Variants in C5orf24 observed in about 807,000 individuals in gnomAD.
C5orf24 encodes the protein UPF0461 protein C5orf24.
C5orf24 carries 4 observed loss-of-function variants against 9.8 expected under a neutral mutation model. The observed-to-expected ratio is 0.41, with a 90% CI of 0.20 to 0.93. C5orf24 has a LOEUF of 0.93. Among genes scored for constraint, C5orf24 ranks in the 40% least tolerant of loss-of-function variants. C5orf24 has a pLI of 0.33. For missense variants in C5orf24, 170 were observed against 236.9 expected (o/e 0.72, Z 1.85); for synonymous variants, 73 against 81.3 (o/e 0.90, Z 0.55).
the C5orf24 span, among the ~76,000 whole-genome samples, chr5:134,839,607 A>G: frequency 1.3e-5 from 2 of 152,052 alleles, no homozygotes; most frequent in Non-Finnish European, 1.5e-5. Flanking sequence ...TTTATTATTC[A>G]TACCCTGCAG....
At position 134,854,953 on chromosome 5, in the gene C5orf24, C is replaced by T. The variant is rs1338311353; in HGVS notation, c.53C>T (p.Pro18Leu). The T allele has an allele frequency of 6.2e-7, 1 of 1,614,096 alleles. No individual in the cohort carries two copies. The change falls in exon 2 of 2, where the codon CCT becomes CTT. Residue 18 changes from proline (P) to leucine (L), a missense_variant. Physicochemically the swap from Pro to Leu is moderately conservative, Grantham distance 98 (BLOSUM62 -3). Coordinates refer to ENST00000394976, the MANE Select transcript of C5orf24 (RefSeq NM_001135586.1). The part of the protein sequence containing the change: ...SNPAFCGPGK[P>L]SCLNEDAMRA... ...CCAGCTTTCTGTGGGCCTGGCAAGC[C>T]TTCCTGCCTCAATGAAGATGCCATG... is the stretch of plus-strand genomic sequence containing the variant.
rs2150176986 is a variant in C5orf24, at chr5:134,856,017, T to C, written c.*550T>C. On this transcript the variant is annotated 3_prime_UTR_variant, in exon 2 of 2. Transcript: ENST00000394976. ...TGTTAAAAAACTTATTTTTAATGTT[T>C]TAGGTTTAAGCAGCTTGTAATTTAT... 3 of 1,003,016 alleles carry C rather than the reference T, an allele frequency of 3.0e-6. No homozygotes were observed. Among genetic ancestry groups the C allele is most frequent in the Non-Finnish European group, 3.6e-6 (3 of 832,140 alleles). The allele number at this position is 1,003,016 out of a possible 1,614,324, so 62.1% of individuals were successfully genotyped here. A position where few individuals can be genotyped will look rare whatever the true frequency, so the allele number is the denominator to read the frequency against.
the C5orf24 span, among the ~76,000 whole-genome samples, chr5:134,839,568 C>G: frequency 6.6e-6 from 1 of 152,000 alleles, no homozygotes; most frequent in Admixed American, 6.6e-5. Context: ...TTATATCAAG[C>G]AGCATTATTA....
rs1755982513 is a variant in C5orf24, at chr5:134,846,052, C to G, written c.-164C>G. 1 of 152,362 alleles carries G rather than the reference C, an allele frequency of 6.6e-6. No individual in the cohort carries two copies. Among genetic ancestry groups the G allele is most frequent in the African/African-American group, 2.4e-5 (1 of 41,462 alleles). The allele number at this position is 152,362 out of a possible 1,614,324, so 9.4% of individuals were successfully genotyped here. A position where few individuals can be genotyped will look rare whatever the true frequency, so the allele number is the denominator to read the frequency against. On this transcript the variant is annotated 5_prime_UTR_variant, in exon 1 of 2. Transcript: ENST00000394976. ...GGCCGCGGCGGGTGCTGGGAGCCAG[C>G]GCCTGCCTCGCCGCCGCCCTCGCTG...
rs762710710 is a variant in C5orf24, at chr5:134,850,937, T to TATATATATACACAC, written c.-3-3960_-3-3959insTATATATACACACA. Among the ~76,000 whole-genome samples, 21 of 147,052 alleles carry TATATATATACACAC rather than the reference T, an allele frequency of 1.4e-4. No homozygotes were observed. The East Asian group carries it at 2.2e-3, about 15-fold the overall frequency. Reference sequence around the variant, plus strand: ...GAATGTTCATATATATATATATATATACACACACACACACACACTACACAC... The same window carrying TATATATATACACAC: ...GAATGTTCATATATATATATATATATATATATATACACACACACACACACACACACACTACACAC... On this transcript the variant is annotated intron_variant, in intron 1 of 1. Transcript: ENST00000394976.
chr5:134,839,919 C>T, the C5orf24 span, among the ~76,000 whole-genome samples: 1 of 152,104 alleles, frequency 6.6e-6, no homozygotes, highest in Non-Finnish European at 1.5e-5. Flanking sequence ...TGGTCTCAAA[C>T]TCCTGACCTC....
the C5orf24 span, among the ~76,000 whole-genome samples, chr5:134,839,434 C>T: frequency 7.9e-5 from 12 of 152,224 alleles, no homozygotes; most frequent in African/African-American, 2.6e-4. Flanking sequence ...AGTGGCAGAC[C>T]TGGCATTTAA....
At chr5:134,836,794 G>A in the C5orf24 span, among the ~76,000 whole-genome samples, 1 of 151,580 alleles carries the variant, frequency 6.6e-6, no homozygotes, top group Non-Finnish European at 1.5e-5. Context: ...CGCCCACCTC[G>A]GCCTCCCAAA....
At chr5:134,843,086 C>A (rs558640780), upstream of C5orf24, among the ~76,000 whole-genome samples, 1 of 151,940 alleles carries the variant, frequency 6.6e-6, no homozygotes, top group East Asian at 1.9e-4. Flanking sequence ...AAGTGATTCT[C>A]GTGCCTTAGC....
At chr5:134,846,680 A>G (rs568621953) in intron 1 of C5orf24, 2 of 152,346 alleles carry the variant, frequency 1.3e-5, no homozygotes, top group African/African-American at 2.4e-5. Flanking sequence ...CAGGTAATAC[A>G]TTCTAAACGC....
In C5orf24 at chr5:134,855,073, C is replaced by A. The variant is rs1488193130; in HGVS notation, c.173C>A (p.Pro58Gln). ...CCAATGGTTTGTCAGAGGCAAGACC[C>A]ATTAAATGAAACACACTTGCAGACT... ...HKPMVCQRQD[P>Q]LNETHLQTTS... The change falls in exon 2 of 2, where the codon CCA (proline) becomes CAA (glutamine). Residue 58 changes from proline (P) to glutamine (Q), a missense_variant. Physicochemically the swap from Pro to Gln is moderately conservative, Grantham distance 76. Around this residue, in one of 3 missense-constraint regions of C5orf24, gnomAD observed 93 missense variants for 104.5 expected, o/e 0.89. Coordinates refer to ENST00000394976, the MANE Select transcript of C5orf24 (RefSeq NM_001135586.1). 1.2e-6 allele frequency: 2 copies of A among 1,614,040 alleles called. No individual in the cohort carries two copies.
At chr5:134,844,110 A>G (rs541729714), upstream of C5orf24, among the ~76,000 whole-genome samples, 51 of 152,212 alleles carry the variant, frequency 3.4e-4, no homozygotes, top group Admixed American at 2.8e-3. Context: ...AAATGTTTTT[A>G]TGTACAAATG....
the C5orf24 span, among the ~76,000 whole-genome samples, chr5:134,834,514 T>C: frequency 6.6e-6 from 1 of 152,202 alleles, no homozygotes; most frequent in Non-Finnish European, 1.5e-5. Flanking sequence ...GCCCTCAGCC[T>C]GTGTCTGTGG....
intron 1 of C5orf24, among the ~76,000 whole-genome samples, chr5:134,853,243 C>T (rs1453135267): frequency 3.3e-4 from 50 of 151,836 alleles, no homozygotes; most frequent in Admixed American, 3.3e-3. Flanking sequence ...TGCCTGTAAT[C>T]CCAGCTACTC....
At chr5:134,838,419 C>G in the C5orf24 span, among the ~76,000 whole-genome samples, 6 of 152,078 alleles carry the variant, frequency 3.9e-5, no homozygotes, top group South Asian at 1.0e-3. Flanking sequence ...GCCTGTAATC[C>G]CAGCACTTTG....
rs1421370479 is a variant in C5orf24 at position 134,856,712 on chromosome 5, G to T, written c.*1245G>T. The T allele has an allele frequency of 1.0e-6, 1 of 991,460 alleles. No homozygotes were observed. The highest frequency in any genetic ancestry group is 1.2e-6 in the Non-Finnish European group (1 of 822,308). 61.4% of individuals were successfully genotyped at this position (991,460 alleles called of 1,614,324 possible). On this transcript the variant is annotated 3_prime_UTR_variant, in exon 2 of 2. Coordinates refer to ENST00000394976, the MANE Select transcript of C5orf24 (RefSeq NM_001135586.1). ...ATTTATTGATGTTGCTCATTTATTT[G>T]GAACGTTTTTAGTTTTTCTCAGAAA... is the stretch of plus-strand genomic sequence containing the variant.
intron 1 of C5orf24, among the ~76,000 whole-genome samples, chr5:134,854,142 G>T (rs149188836): frequency 6.6e-6 from 1 of 152,160 alleles, no homozygotes; most frequent in Non-Finnish European, 1.5e-5. Context: ...TGTAGTATAA[G>T]TCTTAAGCAT....
At chr5:134,842,677 C>T (rs1010271196), upstream of C5orf24, among the ~76,000 whole-genome samples, 1 of 152,046 alleles carries the variant, frequency 6.6e-6, no homozygotes, top group African/African-American at 2.4e-5. Flanking sequence ...ATCTTGGTGG[C>T]TAGATCTCCT....
At position 134,855,142 on chromosome 5, in the gene C5orf24, A is replaced by G; in HGVS notation, c.242A>G (p.Lys81Arg). Residue 81 changes from lysine to arginine, a missense_variant, in exon 2 of 2, where the codon AAG becomes AGG. This residue lies in a region of C5orf24 where 93 missense variants were observed against 104.5 expected (regional missense o/e 0.89). Transcript: ENST00000394976. ...GAAATAAAAGATGAACTAAAGAAAA[A>G]GAAGAATCTCAACCGATCTGGTAAG... ...SIEIKDELKKKKNLNRSGKRG... is the reference protein window; with the variant it reads ...SIEIKDELKKRKNLNRSGKRG... 1 of 1,614,170 alleles carries G rather than the reference A, an allele frequency of 6.2e-7. No homozygotes were observed.
Sources: gnomAD v4.1 joint callset for allele counts (sites outside exome capture counted in the v4.1 genomes callset) on GRCh38, gnomAD v4.1.1 for gene constraint, gnomAD v4.1.1 regional missense constraint, MANE v1.5 for transcripts, NCBI Gene and HGNC (gene_info 2026-07-23, HGNC 2026-07-21) for gene names.